Variants in DCBLD2 observed in about 807,000 individuals in gnomAD.
DCBLD2 encodes the protein discoidin, CUB and LCCL domain-containing protein 2.
Under a neutral mutation model 86.8 loss-of-function variants are expected in DCBLD2, and 54 were observed. The observed-to-expected ratio is 0.62, with a 90% confidence interval of 0.50 to 0.78. The LOEUF (loss-of-function observed/expected upper bound fraction) is 0.78, where lower values mean the gene tolerates loss of function less well. Ranked by LOEUF, DCBLD2 falls within the 30% of genes least tolerant of loss-of-function variation. The pLI, the probability that DCBLD2 is intolerant of heterozygous loss-of-function variation, is 0.00. For missense variants in DCBLD2, 908 were observed against 954.2 expected (o/e 0.95, Z 0.64); for synonymous variants, 354 against 341.3 (o/e 1.04, Z -0.41).
intron 2 of DCBLD2, among the ~76,000 whole-genome samples, chr3:98,867,064 A>C (rs1427580079): frequency 6.6e-6 from 1 of 152,062 alleles, no homozygotes; most frequent in Non-Finnish European, 1.5e-5. Flanking sequence ...CCATTGGTCT[A>C]TATCTCTGTT....
intron 3 of DCBLD2, among the ~76,000 whole-genome samples, chr3:98,847,820 C>T (rs977265603): frequency 6.6e-6 from 1 of 151,768 alleles, no homozygotes; most frequent in African/African-American, 2.4e-5. Flanking sequence ...CTTGTACTAG[C>T]AACACTTATT....
At chr3:98,844,461 A>T (rs1203920764) in intron 3 of DCBLD2, among the ~76,000 whole-genome samples, 1 of 151,802 alleles carries the variant, frequency 6.6e-6, no homozygotes, top group African/African-American at 2.4e-5. Flanking sequence ...GGGTACAAAC[A>T]AACGATTCTC....
intron 3 of DCBLD2, among the ~76,000 whole-genome samples, chr3:98,842,894 T>C (rs181591404): frequency 6.6e-6 from 1 of 152,298 alleles, no homozygotes; most frequent in Admixed American, 6.5e-5. Flanking sequence ...CAGTGAAGGA[T>C]AGAGCCACTG....
chr3:98,832,061 T>C (rs1942333977), intron 3 of DCBLD2, among the ~76,000 whole-genome samples: 1 of 152,192 alleles, frequency 6.6e-6, no homozygotes, highest in Non-Finnish European at 1.5e-5. Context: ...CCCACTATTA[T>C]TGTGTGGGAG....
chr3:98,818,028 G>A (rs545212285), intron 8 of DCBLD2, 135 bp from the exon 9 acceptor site: 12 of 1,112,802 alleles, frequency 1.1e-5, no homozygotes, highest in South Asian at 8.2e-5. Context: ...CCAAGTGCAC[G>A]TTTTTGTCAT....
intron 15 of DCBLD2, among the ~76,000 whole-genome samples, chr3:98,800,213 AT>A (rs1271763904): frequency 4.6e-5 from 7 of 152,144 alleles, no homozygotes; most frequent in African/African-American, 1.4e-4. Context: ...AATTTCAGAG[AT>A]TTTTTTCAAA....
At chr3:98,818,089 AT>A (rs1466939091) in intron 8 of DCBLD2, among the ~76,000 whole-genome samples, 196 bp from the exon 9 acceptor site, 1 of 152,218 alleles carries the variant, frequency 6.6e-6, no homozygotes, top group Non-Finnish European at 1.5e-5. Context: ...AGGAAGGATT[AT>A]GGGTGGGCAT....
chr3:98,870,192 G>GT (rs1943233866), intron 2 of DCBLD2, among the ~76,000 whole-genome samples: 1 of 152,154 alleles, frequency 6.6e-6, no homozygotes, highest in Admixed American at 6.5e-5. Flanking sequence ...TGAATGAATA[G>GT]GGTGTCCTTT....
In DCBLD2 at chr3:98,838,865, C is replaced by T. The variant is rs1353736262; in HGVS notation, c.571+10596G>A. 3.3e-5 allele frequency among the ~76,000 whole-genome samples: 5 copies of T among 152,112 alleles called. No individual in the cohort carries two copies. In the South Asian group the frequency reaches 6.2e-4, roughly 19 times the overall value. On this transcript the variant is annotated intron_variant, in intron 3 of 15. Transcript: ENST00000326840. ...CTGGAGACCGGCCCGGCCAACACAG[C>T]GAAACCCCGTCTCCACCAAAACCAG...
At chr3:98,858,241 C>G (rs940964058) in intron 2 of DCBLD2, among the ~76,000 whole-genome samples, 6 of 152,376 alleles carry the variant, frequency 3.9e-5, no homozygotes, top group African/African-American at 1.4e-4. Context: ...CGAGCCCACA[C>G]ACACCCAGAA....
chr3:98,898,762 C>T (rs540976605), intron 1 of DCBLD2, among the ~76,000 whole-genome samples: 1 of 152,078 alleles, frequency 6.6e-6, no homozygotes, highest in African/African-American at 2.4e-5. Context: ...AATTCCACCA[C>T]GGGCTGCTTT....
intron 9 of DCBLD2, among the ~76,000 whole-genome samples, chr3:98,817,060 C>A (rs1942034991): frequency 6.6e-6 from 1 of 152,164 alleles, no homozygotes; most frequent in Non-Finnish European, 1.5e-5. Flanking sequence ...AGCCATCATG[C>A]CCAGCCCCAT....
intron 1 of DCBLD2, 151 bp downstream of exon 1, chr3:98,900,971 G>C: frequency 2.2e-6 from 3 of 1,347,974 alleles, no homozygotes; most frequent in Admixed American, 2.4e-5. Context: ...CCTTGCCTTT[G>C]CAACTCAACC....
At chr3:98,832,652 C>T (rs1942344141) in intron 3 of DCBLD2, among the ~76,000 whole-genome samples, 1 of 152,148 alleles carries the variant, frequency 6.6e-6, no homozygotes, top group Non-Finnish European at 1.5e-5. Flanking sequence ...ACTCGCTTAG[C>T]ATTTGCTTAT....
At chr3:98,818,287 A>G (rs2107443676) in intron 8 of DCBLD2, among the ~76,000 whole-genome samples, 1 of 152,322 alleles carries the variant, frequency 6.6e-6, no homozygotes, top group South Asian at 2.1e-4. Context: ...AATTATTCCG[A>G]CCATTTGCTA....
chr3:98,842,559 G>A (rs1332766169), intron 3 of DCBLD2, among the ~76,000 whole-genome samples: 2 of 152,126 alleles, frequency 1.3e-5, no homozygotes, highest in Non-Finnish European at 2.9e-5. Flanking sequence ...TACTGAGAGT[G>A]GACACTAAAC....
intron 2 of DCBLD2, among the ~76,000 whole-genome samples, chr3:98,865,054 T>A (rs1194352611): frequency 5.3e-5 from 8 of 152,078 alleles, no homozygotes; most frequent in Admixed American, 1.3e-4. Context: ...AGTATGGAAG[T>A]TCCTCAAAAA....
At chr3:98,823,757 A>C (rs1376326583) in intron 4 of DCBLD2, among the ~76,000 whole-genome samples, 3 of 152,198 alleles carry the variant, frequency 2.0e-5, no homozygotes, top group Non-Finnish European at 4.4e-5. Context: ...CCATATAAGA[A>C]CTCTATGGAG....
intron 2 of DCBLD2, among the ~76,000 whole-genome samples, chr3:98,857,513 T>C (rs1388323455): frequency 1.3e-5 from 2 of 152,174 alleles, no homozygotes; most frequent in African/African-American, 4.8e-5. Flanking sequence ...GACAGGGTGC[T>C]GATTGGTGCG....
Sources: allele counts gnomAD v4.1 joint callset (sites outside exome capture counted in the v4.1 genomes callset), GRCh38; gene constraint gnomAD v4.1.1; transcripts MANE v1.5; gene names NCBI Gene and HGNC (gene_info 2026-07-23, HGNC 2026-07-21).